Variants in DLC1 observed in about 807,000 individuals in gnomAD.
DLC1 encodes the protein rho GTPase-activating protein 7.
DLC1 carries 54 observed loss-of-function variants against 140.3 expected under a neutral mutation model. That is an observed-to-expected ratio of 0.38 (90% CI 0.31 to 0.48). DLC1 has a LOEUF of 0.48. Ranked by LOEUF, DLC1 falls within the 20% of genes least tolerant of loss-of-function variation. The pLI, the probability that DLC1 is intolerant of heterozygous loss-of-function variation, is 0.96. For synonymous variants in DLC1, 986 were observed against 728.1 expected (o/e 1.35, Z -5.70); for missense variants, 2,536 against 1,907.0 (o/e 1.33, Z -6.14).
intron 1 of DLC1, among the ~76,000 whole-genome samples, chr8:13,571,313 C>A (rs1804645657): frequency 6.6e-6 from 1 of 152,250 alleles, no homozygotes; most frequent in South Asian, 2.1e-4. Flanking sequence ...CCACTGTTTT[C>A]AGAATTTTTT....
chr8:13,319,751 T>C (rs1455876784), intron 4 of DLC1, among the ~76,000 whole-genome samples: 2 of 151,268 alleles, frequency 1.3e-5, no homozygotes, highest in Admixed American at 1.3e-4. Context: ...TTTATAACAG[T>C]GCAAGAGCGG....
At chr8:13,324,989 A>G (rs1387644769) in intron 4 of DLC1, among the ~76,000 whole-genome samples, 1 of 152,226 alleles carries the variant, frequency 6.6e-6, no homozygotes, top group Non-Finnish European at 1.5e-5. Flanking sequence ...GTTTTAAAAC[A>G]CTGAATGCTA....
chr8:13,386,397 A>C (rs1454099617), intron 4 of DLC1, among the ~76,000 whole-genome samples: 4 of 152,078 alleles, frequency 2.6e-5, no homozygotes, highest in African/African-American at 9.7e-5. Flanking sequence ...TTTAAGTATC[A>C]TGTGTTCAGA....
At chr8:13,472,213 T>G (rs1800239508) in intron 2 of DLC1, among the ~76,000 whole-genome samples, 1 of 152,208 alleles carries the variant, frequency 6.6e-6, no homozygotes, top group Non-Finnish European at 1.5e-5. Flanking sequence ...GAGAGCAATA[T>G]CCTTCCCCTT....
At chr8:13,361,703 AC>A (rs757098778) in intron 4 of DLC1, among the ~76,000 whole-genome samples, 12 of 152,208 alleles carry the variant, frequency 7.9e-5, no homozygotes, top group East Asian at 1.9e-4. Context: ...ATATTTATGA[AC>A]TTTTAGACAA....
chr8:13,436,108 A>T (rs556993080), intron 2 of DLC1, among the ~76,000 whole-genome samples: 1 of 152,354 alleles, frequency 6.6e-6, no homozygotes, highest in East Asian at 1.9e-4. Context: ...TTTTATATGC[A>T]CTGGGAAACC....
At chr8:13,142,644 TTAAG>T (rs1280752337) in intron 5 of DLC1, among the ~76,000 whole-genome samples, 7 of 152,170 alleles carry the variant, frequency 4.6e-5, no homozygotes, top group African/African-American at 1.7e-4. Context: ...AAAAAAGACT[TTAAG>T]TGGTAAAGAG....
At chr8:13,261,207 C>T (rs888249159) in intron 5 of DLC1, among the ~76,000 whole-genome samples, 2 of 152,122 alleles carry the variant, frequency 1.3e-5, no homozygotes, top group Non-Finnish European at 2.9e-5. Flanking sequence ...ATAGAGTGGT[C>T]CTGACTGGCC....
chr8:13,306,766 G>C (rs1332620880), intron 4 of DLC1, among the ~76,000 whole-genome samples: 1 of 152,016 alleles, frequency 6.6e-6, no homozygotes, highest in African/African-American at 2.4e-5. Context: ...CAATAATTCA[G>C]CTAAGGTAAA....
At chr8:13,591,063 T>A (rs1323124709) in intron 1 of DLC1, among the ~76,000 whole-genome samples, 1 of 152,046 alleles carries the variant, frequency 6.6e-6, no homozygotes, top group Non-Finnish European at 1.5e-5. Flanking sequence ...GACATGAGAT[T>A]AGAGAAAAAG....
In DLC1 at chr8:13,120,356, A is replaced by AAAAAAAAAAAAAAAAAATATATATAT; in HGVS notation, c.1349-4700_1349-4699insATATATATATTTTTTTTTTTTTTTTT. Among the ~76,000 whole-genome samples the AAAAAAAAAAAAAAAAAATATATATAT allele has an allele frequency of 6.5e-5, 4 of 61,116 alleles. 1 individual carries two copies. Among genetic ancestry groups the AAAAAAAAAAAAAAAAAATATATATAT allele is most frequent in the African/African-American group, 8.3e-5 (2 of 24,038 alleles). 40.1% of individuals were successfully genotyped at this position (61,116 alleles called of 152,430 possible). Reference sequence around the variant, plus strand: ...AGACTCCGTCGCAAAAAAAAAAAAAAATATATATATATATAAAATGTATAT... The same window carrying AAAAAAAAAAAAAAAAAATATATATAT: ...AGACTCCGTCGCAAAAAAAAAAAAAAAAAAAAAAAAAAAAAAATATATATATATATATATATATATAAAATGTATAT... On this transcript the variant is annotated intron_variant, in intron 5 of 17. Transcript: ENST00000276297.
chr8:13,099,183 TC>T (rs1187398420), intron 9 of DLC1, among the ~76,000 whole-genome samples, 163 bp downstream of exon 9: 1 of 152,170 alleles, frequency 6.6e-6, no homozygotes, highest in Non-Finnish European at 1.5e-5. Flanking sequence ...TTCAATCCTA[TC>T]GATTTCTTTG....
At position 13,424,074 on chromosome 8, in the gene DLC1, T is replaced by C. The variant is rs146599623; in HGVS notation, c.1024-22455A>G. ...TCTATTTAATGGAATTTTAAGGGGG[T>C]GTTTCCTTATGCTATTGAAAACAAA... On this transcript the variant is annotated intron_variant, in intron 2 of 17. Transcript: ENST00000276297. Among the ~76,000 whole-genome samples the C allele has an allele frequency of 1.6e-4, 25 of 152,324 alleles. No homozygotes were observed. In the East Asian group the frequency reaches 4.2e-3, roughly 26 times the overall value.
intron 4 of DLC1, among the ~76,000 whole-genome samples, chr8:13,364,018 G>T (rs186161355): frequency 6.6e-6 from 1 of 152,178 alleles, no homozygotes. Context: ...ATAGCAGGGA[G>T]AGGTAGGGGT....
At chr8:13,221,726 G>GTATATATATATA (rs377039517) in intron 5 of DLC1, among the ~76,000 whole-genome samples, 3 of 132,446 alleles carry the variant, frequency 2.3e-5, no homozygotes, top group African/African-American at 8.7e-5. Flanking sequence ...GTGTGTGTGT[G>GTATATATATATA]TATATATATA....
chr8:13,556,294 C>T (rs999837652), intron 1 of DLC1, among the ~76,000 whole-genome samples: 5 of 152,160 alleles, frequency 3.3e-5, no homozygotes, highest in African/African-American at 7.2e-5. Context: ...TCCTGGAGCA[C>T]TAGTCACAAA....
chr8:13,588,121 C>T (rs1024611746), intron 1 of DLC1, among the ~76,000 whole-genome samples: 2 of 151,990 alleles, frequency 1.3e-5, no homozygotes, highest in African/African-American at 4.8e-5. Context: ...GCACAGTCTG[C>T]AAGGATTCAT....
chr8:13,539,787 A>G (rs935668927), intron 1 of DLC1, among the ~76,000 whole-genome samples: 1 of 147,068 alleles, frequency 6.8e-6, no homozygotes, highest in Non-Finnish European at 1.5e-5. Flanking sequence ...TACATTTTAT[A>G]GTTTGAATGT....
chr8:13,116,405 C>G (rs2128951238), intron 5 of DLC1, among the ~76,000 whole-genome samples: 1 of 152,316 alleles, frequency 6.6e-6, no homozygotes, highest in East Asian at 1.9e-4. Flanking sequence ...TTAAAACTGA[C>G]TCACAGAGGA....
Sources: allele counts gnomAD v4.1 joint callset (sites outside exome capture counted in the v4.1 genomes callset), GRCh38; gene constraint gnomAD v4.1.1; transcripts MANE v1.5; gene names NCBI Gene and HGNC (gene_info 2026-07-23, HGNC 2026-07-21).